NPAS1: variants seen among roughly 807,000 people sequenced by gnomAD.
NPAS1 encodes the protein neuronal PAS domain-containing protein 1.
In NPAS1, 29 loss-of-function variants were observed where a neutral mutation model predicts 49.2. That is an observed-to-expected ratio of 0.59 (90% CI 0.44 to 0.80). NPAS1 has a LOEUF of 0.80. Among genes scored for constraint, NPAS1 ranks in the 30% least tolerant of loss-of-function variants. The pLI is 0.00. For missense variants in NPAS1, 825 were observed against 835.5 expected (o/e 0.99, Z 0.15); for synonymous variants, 408 against 380.4 (o/e 1.07, Z -0.84).
intron 3 of NPAS1, among the ~76,000 whole-genome samples, chr19:47,028,429 C>A (rs1311654986): frequency 1.3e-5 from 2 of 151,940 alleles, no homozygotes; most frequent in African/African-American, 4.8e-5. Flanking sequence ...GCGGGGGCTG[C>A]GCGCCCATGG....
At chr19:47,043,929 G>C (rs1412743295) in intron 11 of NPAS1, among the ~76,000 whole-genome samples, 1 of 152,016 alleles carries the variant, frequency 6.6e-6, no homozygotes, top group Non-Finnish European at 1.5e-5. Flanking sequence ...AGCCAGGTGT[G>C]ATGGTTCACA....
chr19:47,037,663 TAA>T (rs1221305603), intron 6 of NPAS1, among the ~76,000 whole-genome samples: 1 of 152,142 alleles, frequency 6.6e-6, no homozygotes, highest in Non-Finnish European at 1.5e-5. Context: ...AACTATCCTG[TAA>T]ATAGGATTTT....
chr19:47,028,941 G>A (rs1433301972), intron 3 of NPAS1, among the ~76,000 whole-genome samples: 1 of 152,108 alleles, frequency 6.6e-6, no homozygotes, highest in African/African-American at 2.4e-5. Context: ...GCTCCTGACT[G>A]TAGGGAGGAT....
chr19:47,042,081 G>T (rs542709392), intron 10 of NPAS1, among the ~76,000 whole-genome samples: 1 of 152,030 alleles, frequency 6.6e-6, no homozygotes, highest in East Asian at 1.9e-4. Context: ...GCCGAGGTGG[G>T]TGGATCACGA....
chr19:47,022,873 T>G (rs2056850271), intron 3 of NPAS1, among the ~76,000 whole-genome samples: 1 of 152,290 alleles, frequency 6.6e-6, no homozygotes, highest in Non-Finnish European at 1.5e-5. Context: ...AGTGCTGTTA[T>G]GTTATTATTA....
At chr19:47,032,849 C>A in intron 5 of NPAS1, 117 bp downstream of exon 5, 1 of 735,028 alleles carries the variant, frequency 1.4e-6, no homozygotes, top group Non-Finnish European at 2.3e-6. Flanking sequence ...GACTGGATCT[C>A]TGTGGTCCCC....
intron 8 of NPAS1, 65 bp downstream of exon 8, chr19:47,039,629 G>T (rs2056997939): frequency 1.4e-6 from 2 of 1,481,448 alleles, no homozygotes; most frequent in East Asian, 2.3e-5. Context: ...GGTACATGGG[G>T]AGTCAGAGGG....
intron 6 of NPAS1, among the ~76,000 whole-genome samples, chr19:47,038,149 G>A (rs2056977864): frequency 6.6e-6 from 1 of 152,228 alleles, no homozygotes; most frequent in Non-Finnish European, 1.5e-5. Context: ...TGAGAGGTGG[G>A]CTTTCCTCTC....
At chr19:47,025,929 T>G (rs1203909118) in intron 3 of NPAS1, among the ~76,000 whole-genome samples, 1 of 147,204 alleles carries the variant, frequency 6.8e-6, no homozygotes, top group Admixed American at 6.8e-5. Context: ...GGAAGTAACG[T>G]TTTTTTGTTT....
chr19:47,027,619 C>T (rs111293776), intron 3 of NPAS1, among the ~76,000 whole-genome samples: 1,370 of 37,608 alleles, frequency 0.036, 27 homozygotes, highest in African/African-American at 0.065. Context: ...CCTGGTCTCC[C>T]GTCTCTCTGC....
chr19:47,038,123 C>T (rs1201667582), intron 6 of NPAS1, among the ~76,000 whole-genome samples: 2 of 152,168 alleles, frequency 1.3e-5, no homozygotes, highest in African/African-American at 4.8e-5. Flanking sequence ...TGTGCTGAGA[C>T]CTGGAGGATG....
chr19:47,026,768 A>T (rs1268364319), intron 3 of NPAS1, among the ~76,000 whole-genome samples: 1 of 152,108 alleles, frequency 6.6e-6, no homozygotes, highest in Non-Finnish European at 1.5e-5. Flanking sequence ...AAGCCTGACC[A>T]ATATGGTGAA....
intron 11 of NPAS1, among the ~76,000 whole-genome samples, chr19:47,043,755 T>C (rs898847111): frequency 3.4e-5 from 5 of 148,280 alleles, no homozygotes; most frequent in African/African-American, 1.3e-4. Context: ...AGACTCCATC[T>C]CAAAAAAATA....
intron 6 of NPAS1, 83 bp downstream of exon 6, chr19:47,036,212 T>C: frequency 7.3e-7 from 1 of 1,375,200 alleles, no homozygotes; most frequent in Non-Finnish European, 1.0e-6. Flanking sequence ...ATGCCGCGTT[T>C]ATACAAATAG....
At chr19:47,044,793 G>T (rs1003538797) in intron 11 of NPAS1, among the ~76,000 whole-genome samples, 1 of 152,220 alleles carries the variant, frequency 6.6e-6, no homozygotes, top group Non-Finnish European at 1.5e-5. Context: ...ACTTTGGGAG[G>T]CTGAGGCAGG....
chr19:47,035,727 A>C, intron 5 of NPAS1: 1 of 499,448 alleles, frequency 2.0e-6, no homozygotes, highest in South Asian at 3.2e-5. Context: ...ACAGCCCCTT[A>C]ATAGAGTGGG....
At chr19:47,023,920 C>A (rs1000608007) in intron 3 of NPAS1, among the ~76,000 whole-genome samples, 8 of 152,088 alleles carry the variant, frequency 5.3e-5, no homozygotes, top group African/African-American at 1.7e-4. Context: ...TCCTGGCCAA[C>A]ATGGTAAAAT....
intron 6 of NPAS1, among the ~76,000 whole-genome samples, chr19:47,037,755 G>C (rs1407963852): frequency 1.3e-5 from 2 of 152,202 alleles, no homozygotes; most frequent in Non-Finnish European, 2.9e-5. Flanking sequence ...TCTGCAACAC[G>C]TGCAGGCTGT....
At chr19:47,037,645 A>G (rs1275303376) in intron 6 of NPAS1, among the ~76,000 whole-genome samples, 4 of 152,098 alleles carry the variant, frequency 2.6e-5, no homozygotes, top group Non-Finnish European at 4.4e-5. Flanking sequence ...TTGGGGGCCT[A>G]TGAGGCTAAC....
Sources: allele counts gnomAD v4.1 joint callset (sites outside exome capture counted in the v4.1 genomes callset), GRCh38; gene constraint gnomAD v4.1.1; transcripts MANE v1.5; gene names NCBI Gene and HGNC (gene_info 2026-07-23, HGNC 2026-07-21).